DPPA2: variants seen among roughly 807,000 people sequenced by gnomAD.
DPPA2 encodes developmental pluripotency associated 2, also known as developmental pluripotency-associated protein 2.
Under a neutral mutation model 36.2 loss-of-function variants are expected in DPPA2, and 26 were observed. The ratio of observed to expected loss-of-function variants is 0.72; its 90% CI spans 0.53 to 1.00. DPPA2 has a LOEUF of 1.00. DPPA2 is among the 50% of genes least tolerant of loss of function. DPPA2 has a pLI of 0.00. For synonymous variants in DPPA2, 113 were observed against 123.2 expected, an observed-to-expected ratio of 0.92 and a Z score of 0.55; for missense variants, 361 against 365.1, an observed-to-expected ratio of 0.99 and a Z score of 0.09.
intron 1 of DPPA2, among the ~76,000 whole-genome samples, chr3:109,314,830 A>T (rs1707762812): frequency 6.6e-6 from 1 of 152,042 alleles, no homozygotes; most frequent in African/African-American, 2.4e-5. Flanking sequence ...TGGGAGGCCC[A>T]GGGGGGGCGG....
chr3:109,300,311 T>G, intron 8 of DPPA2, 60 bp downstream of exon 8: 1 of 1,401,708 alleles, frequency 7.1e-7, no homozygotes. Flanking sequence ...TGTGACTCTT[T>G]TCAATTGCCT....
chr3:109,305,186 T>A (rs1707534522), intron 6 of DPPA2, among the ~76,000 whole-genome samples: 2 of 151,952 alleles, frequency 1.3e-5, no homozygotes, highest in Admixed American at 1.3e-4. Context: ...TAAAATAAAA[T>A]AAAAAATAAT....
intron 7 of DPPA2, among the ~76,000 whole-genome samples, chr3:109,302,418 T>C (rs1025705075): frequency 5.3e-5 from 8 of 152,166 alleles, no homozygotes; most frequent in Non-Finnish European, 1.0e-4. Context: ...AATCTCTTAT[T>C]TATACTCCCA....
intron 8 of DPPA2, among the ~76,000 whole-genome samples, chr3:109,296,936 A>T (rs1297108538): frequency 6.6e-6 from 1 of 152,040 alleles, no homozygotes; most frequent in Admixed American, 6.6e-5. Context: ...AAAAAAATAG[A>T]AAAATTAGCC....
intron 3 of DPPA2, among the ~76,000 whole-genome samples, chr3:109,310,026 C>G (rs1707669254): frequency 6.6e-6 from 1 of 151,580 alleles, no homozygotes; most frequent in East Asian, 2.0e-4. Flanking sequence ...AGTTTGAGAC[C>G]AGCCTGACCA....
chr3:109,308,852 T>C (rs967881375), intron 5 of DPPA2, among the ~76,000 whole-genome samples, 174 bp downstream of exon 5: 1 of 152,096 alleles, frequency 6.6e-6, no homozygotes, highest in Non-Finnish European at 1.5e-5. Context: ...CATACTACAA[T>C]GTACAGGGCA....
chr3:109,300,808 C>CGA (rs1237780780), intron 7 of DPPA2, among the ~76,000 whole-genome samples: 1 of 113,806 alleles, frequency 8.8e-6, no homozygotes, highest in African/African-American at 3.5e-5. Context: ...GGTGACAGAG[C>CGA]GAGACTCAGT....
intron 3 of DPPA2, among the ~76,000 whole-genome samples, chr3:109,310,242 A>AAAAAG (rs1707677745): frequency 7.0e-6 from 1 of 141,852 alleles, no homozygotes; most frequent in South Asian, 2.2e-4. Flanking sequence ...AAAAAAAAAA[A>AAAAAG]AAAAGAAAAA....
chr3:109,301,518 GGT>G (rs1707456554), intron 7 of DPPA2, among the ~76,000 whole-genome samples: 2 of 151,984 alleles, frequency 1.3e-5, no homozygotes, highest in Non-Finnish European at 2.9e-5. Flanking sequence ...TGGGTGTGGT[GGT>G]GCATGCCTGT....
At chr3:109,310,399 C>T (rs1185176553) in intron 3 of DPPA2, among the ~76,000 whole-genome samples, 2 of 93,646 alleles carry the variant, frequency 2.1e-5, no homozygotes, top group African/African-American at 6.0e-5. Flanking sequence ...TACAGTGAGA[C>T]TCTGTCTCAA....
At chr3:109,298,436 C>A (rs1007385963) in intron 8 of DPPA2, among the ~76,000 whole-genome samples, 1 of 151,748 alleles carries the variant, frequency 6.6e-6, no homozygotes, top group Non-Finnish European at 1.5e-5. Context: ...ATAAAATAGC[C>A]GGGCACGGTG....
Position 109,309,225 on chromosome 3 carries a change from C to A in DPPA2, c.287G>T (p.Cys96Phe), listed in dbSNP as rs769621453. 5.0e-6 allele frequency: 8 copies of A among 1,614,064 alleles called. No homozygotes were observed. The highest frequency in any genetic ancestry group is 6.8e-6 in the Non-Finnish European group (8 of 1,180,052). The change falls in exon 4 of 9, where the codon TGT becomes TTT. Residue 96 changes from cysteine to phenylalanine, a missense_variant. Physicochemically the swap from Cys to Phe is radical, Grantham distance 205. Transcript: ENST00000478945. Reference sequence around the variant, plus strand: ...ACACCAGTCCCGCAAAGTGTCCCGACACACCTTATTAATGGGAGGCAAAAT... The same window carrying A: ...ACACCAGTCCCGCAAAGTGTCCCGAAACACCTTATTAATGGGAGGCAAAAT... ...PTILPPINKV[C>F]RDTLRDWCQQ...
At chr3:109,299,686 CAAAAA>C (rs755862175) in intron 8 of DPPA2, among the ~76,000 whole-genome samples, 1 of 50,420 alleles carries the variant, frequency 2.0e-5, no homozygotes, top group African/African-American at 7.6e-5. Context: ...GACCCCGTCT[CAAAAA>C]AAAAAAAAAG....
intron 7 of DPPA2, among the ~76,000 whole-genome samples, chr3:109,303,271 C>T (rs1315260061): frequency 3.3e-5 from 5 of 151,892 alleles, no homozygotes; most frequent in African/African-American, 1.2e-4. Flanking sequence ...ACGACTTCCA[C>T]AACTGGTAAG....
intron 5 of DPPA2, 75 bp from the exon 6 acceptor site, chr3:109,308,368 CT>C (rs373075961): frequency 0.02 from 20,592 of 1,021,414 alleles, no homozygotes; most frequent in South Asian, 0.026. Flanking sequence ...TTTTATTATT[CT>C]TTTTTTTTTT....
chr3:109,313,087 T>A (rs930440621), intron 2 of DPPA2, among the ~76,000 whole-genome samples: 10 of 152,158 alleles, frequency 6.6e-5, no homozygotes, highest in Non-Finnish European at 1.2e-4. Flanking sequence ...AATTCCCATA[T>A]CAAATTTCAC....
Position 109,312,702 on chromosome 3 carries a change from G to T in DPPA2, c.34-10C>A. 6.2e-7 allele frequency: 1 copy of T among 1,612,496 alleles called. No individual in the cohort carries two copies. Among genetic ancestry groups the T allele is most frequent in the Non-Finnish European group, 8.5e-7 (1 of 1,178,816 alleles). On this transcript the variant is annotated splice_polypyrimidine_tract_variant and intron_variant, in intron 2 of 8. Coordinates refer to ENST00000478945, the MANE Select transcript of DPPA2 (RefSeq NM_138815.4). ...CCCCCTCCAAGAAATTCTGGAAAGA[G>T]AAGTCAGTCACTGATTTTCATTTGA...
rs545579317 is a variant in DPPA2, at chr3:109,310,142, C to T, written c.182-812G>A. 5.4e-4 allele frequency among the ~76,000 whole-genome samples: 81 copies of T among 149,878 alleles called. 1 individual carries two copies. The Middle Eastern group carries it at 0.01, about 19-fold the overall frequency. On this transcript the variant is annotated intron_variant, in intron 3 of 8. Coordinates refer to ENST00000478945, the MANE Select transcript of DPPA2 (RefSeq NM_138815.4). ...ACTAGGGAGGCTGAGGCAGGAGAATCGCTTGAACCTGGGAGGCGGAGGTTG... is the reference window on the plus strand; with the variant it reads ...ACTAGGGAGGCTGAGGCAGGAGAATTGCTTGAACCTGGGAGGCGGAGGTTG...
intron 3 of DPPA2, among the ~76,000 whole-genome samples, chr3:109,310,769 G>T (rs1264814084): frequency 1.3e-5 from 2 of 150,712 alleles, no homozygotes. Context: ...CGCCCAAAGT[G>T]CTGGGATTAC....
Sources: allele counts gnomAD v4.1 joint callset (sites outside exome capture counted in the v4.1 genomes callset), GRCh38; gene constraint gnomAD v4.1.1; transcripts MANE v1.5; gene names NCBI Gene and HGNC (gene_info 2026-07-23, HGNC 2026-07-21).